The following RBAK variants were observed in gnomAD, a reference collection of about 807,000 sequenced individuals.
RBAK encodes RB associated KRAB zinc finger.
In RBAK, 39 loss-of-function variants were observed where a neutral mutation model predicts 65.8. The ratio of observed to expected loss-of-function variants is 0.59; its 90% confidence interval spans 0.46 to 0.77. The LOEUF (loss-of-function observed/expected upper bound fraction) is 0.77. Among genes scored for constraint, RBAK ranks in the 30% least tolerant of loss-of-function variants. The pLI is 0.00. For missense variants in RBAK, 884 were observed against 855.1 expected, an observed-to-expected ratio of 1.03 and a Z score of -0.42; for synonymous variants, 343 against 289.7, an observed-to-expected ratio of 1.18 and a Z score of -1.87.
Position 5,064,355 on chromosome 7 carries a change from A to C in RBAK, c.899A>C (p.Gln300Pro). 6.2e-7 allele frequency: 1 copy of C among 1,613,994 alleles called. No individual in the cohort carries two copies. Among genetic ancestry groups the C allele is most frequent in the South Asian group, 1.1e-5 (1 of 91,060 alleles). ...ECNVCGKSFS[Q>P]KGTLTVHRRS... ...AATGTATGTGGGAAATCCTTCAGCC[A>C]AAAGGGAACCCTCACTGTACATCGG... is the stretch of plus-strand genomic sequence containing the variant. Residue 300 changes from glutamine to proline, a missense_variant, in exon 5 of 5, where the codon CAA becomes CCA. Physicochemically the swap from Gln to Pro is moderately conservative, Grantham distance 76. Coordinates refer to ENST00000396912, the MANE Select transcript of RBAK (RefSeq NM_021163.4). The surrounding 1 kb of genome is among the most constrained non-coding windows in gnomAD (Gnocchi z 6.3).
Position 5,063,754 on chromosome 7 carries a change from A to G in RBAK, c.298A>G (p.Arg100Gly), listed in dbSNP as rs756517719. Residue 100 changes from arginine (R) to glycine (G), a missense_variant, in exon 5 of 5, where the codon AGG becomes GGG. Arg to Gly is a moderately radical substitution (Grantham distance 125, BLOSUM62 -2). Coordinates refer to ENST00000396912, the MANE Select transcript of RBAK (RefSeq NM_021163.4). ...RIQENEDKHSRQAACINSKTL... is the reference protein window; with the variant it reads ...RIQENEDKHSGQAACINSKTL... ...CCAAGAAAACGAAGACAAACATTCA[A>G]GGCAAGCTGCTTGTATCAATAGCAA... The G allele has an allele frequency of 7.4e-6, 12 of 1,613,472 alleles. No individual in the cohort carries two copies. Among genetic ancestry groups the G allele is most frequent in the South Asian group, 1.1e-5 (1 of 90,934 alleles).
intron 2 of RBAK, among the ~76,000 whole-genome samples, chr7:5,055,246 ATGTGTGTGTG>A (rs71535173): frequency 1.8e-4 from 26 of 147,018 alleles, no homozygotes; most frequent in African/African-American, 3.5e-4. Context: ...TGAGGCATAA[ATGTGTGTGTG>A]TGTGTGTGTG....
rs1011432412 is a variant in RBAK at position 5,065,253 on chromosome 7, A to C, written c.1797A>C (p.Glu599Asp). Residue 599 changes from glutamate to aspartate, a missense_variant, in exon 5 of 5, where the codon GAA becomes GAC. Coordinates refer to ENST00000396912, the MANE Select transcript of RBAK (RefSeq NM_021163.4). This position sits in a 1 kb window ranked among gnomAD's most constrained non-coding sequence, Gnocchi z 5.3. ...HTGEKPYECY[E>D]CGKFFSQKSY... ...GCGAGAAACCCTATGAATGTTACGA[A>C]TGTGGAAAATTCTTCTCTCAGAAAT... 6.2e-7 allele frequency: 1 copy of C among 1,613,874 alleles called. No homozygotes were observed. Among genetic ancestry groups the C allele is most frequent in the Non-Finnish European group, 8.5e-7 (1 of 1,179,932 alleles).
rs1037439035 is a variant in RBAK, at chr7:5,047,601, CTT to C, written c.-44-407_-44-406del. Among the ~76,000 whole-genome samples the C allele has an allele frequency of 2.5e-3, 250 of 100,850 alleles. 1 individual carries two copies. Among genetic ancestry groups the C allele is most frequent in the African/African-American group, 9.5e-3 (233 of 24,586 alleles). The allele number at this position is 100,850 out of a possible 152,430, so 66.2% of individuals were successfully genotyped here. On this transcript the variant is annotated intron_variant, in intron 1 of 4. Transcript: ENST00000396912. Reference sequence around the variant, plus strand: ...TTCGCCTATCACTCTTTTTCACTCTCTTTTTTTTTTTTTTTTTTTTTTTTTTG... The same window carrying C: ...TTCGCCTATCACTCTTTTTCACTCTCTTTTTTTTTTTTTTTTTTTTTTTTG...
rs73051675 is a variant in RBAK at position 5,065,766 on chromosome 7, T to C, written c.*165T>C. 48,660 of 469,092 alleles carry C rather than the reference T, an allele frequency of 0.1. 3,186 individuals are homozygous for C. The highest frequency in any genetic ancestry group is 0.23 in the African/African-American group (11,239 of 49,768). 29.1% of individuals were successfully genotyped at this position (469,092 alleles called of 1,614,324 possible). On this transcript the variant is annotated 3_prime_UTR_variant, in exon 5 of 5. Transcript: ENST00000396912. This position sits in a 1 kb window ranked among gnomAD's most constrained non-coding sequence, Gnocchi z 5.3. ...TTTCACAGAGAAGAATCCCGAAGAA[T>C]GTAACAAGAAGCAAAGCCTTCAGCA...
Position 5,067,310 on chromosome 7 carries a change from G to A in RBAK, c.*1709G>A, listed in dbSNP as rs532812084. On this transcript the variant is annotated 3_prime_UTR_variant, in exon 5 of 5. Coordinates refer to ENST00000396912, the MANE Select transcript of RBAK (RefSeq NM_021163.4). ...CAGATGCCATGAGTAAATTTGGTAA[G>A]TTCCCTGCATAAAAGTTATGCAAAA... 3 of 152,224 alleles carry A rather than the reference G, an allele frequency of 2.0e-5. No homozygotes were observed. Among genetic ancestry groups the A allele is most frequent in the Non-Finnish European group, 2.9e-5 (2 of 67,998 alleles). 9.4% of individuals were successfully genotyped at this position (152,224 alleles called of 1,614,324 possible). A position where few individuals can be genotyped will look rare whatever the true frequency, so the allele number is the denominator to read the frequency against.
intron 2 of RBAK, among the ~76,000 whole-genome samples, chr7:5,049,161 G>A (rs1389707042): frequency 2.6e-5 from 4 of 152,112 alleles, no homozygotes; most frequent in South Asian, 4.1e-4. Flanking sequence ...ATATAATTGC[G>A]GATAGCTTTC....
intron 4 of RBAK, among the ~76,000 whole-genome samples, chr7:5,060,904 T>C (rs1425483346): frequency 6.6e-6 from 1 of 152,186 alleles, no homozygotes; most frequent in Non-Finnish European, 1.5e-5. Context: ...AAAAATAGTT[T>C]GTGCATCCAA....
rs1033701528 is a variant in RBAK, at chr7:5,055,279, T to TGTGTGC, written c.16-2015_16-2014insTGTGCG. 2.1e-5 allele frequency among the ~76,000 whole-genome samples: 3 copies of TGTGTGC among 144,776 alleles called. No individual in the cohort carries two copies. In the South Asian group the frequency reaches 6.5e-4, roughly 32 times the overall value. 95.0% of individuals were successfully genotyped at this position (144,776 alleles called of 152,430 possible). ...GTGTGTGTGTGTGTGTGTGTGTGTG[T>TGTGTGC]GCGTGCGTGTATATACACACAAACT... On this transcript the variant is annotated intron_variant, in intron 2 of 4. Coordinates refer to ENST00000396912, the MANE Select transcript of RBAK (RefSeq NM_021163.4).
chr7:5,064,914 A>C lies in RBAK; in HGVS notation c.1458A>C (p.Glu486Asp). The change falls in exon 5 of 5, where the codon GAA (glutamate) becomes GAC (aspartate). Residue 486 changes from glutamate to aspartate, a missense_variant. Physicochemically the swap from Glu to Asp is conservative, Grantham distance 45. Transcript: ENST00000396912. This position sits in a 1 kb window ranked among gnomAD's most constrained non-coding sequence, Gnocchi z 6.3. ...TACACACAGAAGAGAAATCCCATGAATGTAGTGAATGTGGAAAGTTCTCTC... is the reference window on the plus strand; with the variant it reads ...TACACACAGAAGAGAAATCCCATGACTGTAGTGAATGTGGAAAGTTCTCTC... ...RKVHTEEKSH[E>D]CSECGKFSQL... The C allele has an allele frequency of 6.2e-7, 1 of 1,614,066 alleles. No individual in the cohort carries two copies. The highest frequency in any genetic ancestry group is 8.5e-7 in the Non-Finnish European group (1 of 1,179,962).
intron 4 of RBAK, among the ~76,000 whole-genome samples, chr7:5,059,504 TAAA>T (rs899839669): frequency 2.0e-5 from 3 of 148,790 alleles, no homozygotes; most frequent in African/African-American, 7.4e-5. Flanking sequence ...ATATTTTTAT[TAAA>T]AAAAAAACCA....
intron 2 of RBAK, among the ~76,000 whole-genome samples, chr7:5,052,181 T>G (rs1788130824): frequency 6.6e-6 from 1 of 152,246 alleles, no homozygotes; most frequent in South Asian, 2.1e-4. Flanking sequence ...TAGCATTCTT[T>G]TGAGTAATGC....
chr7:5,048,018 C>T lies in RBAK; in HGVS notation c.-44-15C>T. ...GAGCACTCATGACTTCAGTGACCTG[C>T]TTCTCCCCCTCTAGGTCTACCAGCC... is the stretch of plus-strand genomic sequence containing the variant. On this transcript the variant is annotated splice_polypyrimidine_tract_variant and intron_variant, in intron 1 of 4. Coordinates refer to ENST00000396912, the MANE Select transcript of RBAK (RefSeq NM_021163.4). This position sits in a 1 kb window ranked among gnomAD's most constrained non-coding sequence, Gnocchi z 4.4. The T allele has an allele frequency of 1.4e-6, 2 of 1,419,662 alleles. No individual in the cohort carries two copies. The highest frequency in any genetic ancestry group is 2.6e-5 in the South Asian group (2 of 77,428). The allele number at this position is 1,419,662 out of a possible 1,614,324, so 87.9% of individuals were successfully genotyped here.
At chr7:5,051,089 A>G (rs542075216) in intron 2 of RBAK, among the ~76,000 whole-genome samples, 1 of 152,288 alleles carries the variant, frequency 6.6e-6, no homozygotes, top group African/African-American at 2.4e-5. Context: ...TGGCCAGACA[A>G]AATCCCTTTA....
intron 2 of RBAK, among the ~76,000 whole-genome samples, chr7:5,053,074 A>G (rs1788152170): frequency 6.6e-6 from 1 of 152,222 alleles, no homozygotes; most frequent in South Asian, 2.1e-4. Flanking sequence ...TATCTTTTAA[A>G]AAGATTTAAG....
At position 5,048,488 on chromosome 7, in the gene RBAK, A is replaced by C. The variant is rs1788044690; in HGVS notation, c.15+397A>C. ...CGCGCCCAGCCAGGATTCATACTTT[A>C]AAATGGGAATGTGGAAATAGACATT... is the stretch of plus-strand genomic sequence containing the variant. On this transcript the variant is annotated intron_variant, in intron 2 of 4. Coordinates refer to ENST00000396912, the MANE Select transcript of RBAK (RefSeq NM_021163.4). This position sits in a 1 kb window ranked among gnomAD's most constrained non-coding sequence, Gnocchi z 4.4. 6.6e-6 allele frequency among the ~76,000 whole-genome samples: 1 copy of C among 152,234 alleles called. No homozygotes were observed. The highest frequency in any genetic ancestry group is 2.1e-4 in the South Asian group (1 of 4,832).
chr7:5,068,158 A>G lies in RBAK; in HGVS notation c.*2557A>G, dbSNP rs867066400. Reference sequence around the variant, plus strand: ...ACCGAGTATAGCAGAAGTGTTGGCAAACTTTATAAAGCAAGGCACCAGATG... The same window carrying G: ...ACCGAGTATAGCAGAAGTGTTGGCAGACTTTATAAAGCAAGGCACCAGATG... On this transcript the variant is annotated 3_prime_UTR_variant, in exon 5 of 5. Coordinates refer to ENST00000396912, the MANE Select transcript of RBAK (RefSeq NM_021163.4). 6.6e-6 allele frequency: 1 copy of G among 152,082 alleles called. No individual in the cohort carries two copies. The highest frequency in any genetic ancestry group is 2.4e-5 in the African/African-American group (1 of 41,332). The allele number at this position is 152,082 out of a possible 1,614,324, so 9.4% of individuals were successfully genotyped here.
chr7:5,048,048 T>C lies in RBAK; in HGVS notation c.-29T>C. The C allele has an allele frequency of 1.3e-6, 2 of 1,586,272 alleles. No homozygotes were observed. The highest frequency in any genetic ancestry group is 8.6e-7 in the Non-Finnish European group (1 of 1,165,160). ...CCCCCTCTAGGTCTACCAGCCACAG[T>C]CTCTGCACGTTTCCAAGAGCAGCAG... On this transcript the variant is annotated 5_prime_UTR_variant, in exon 2 of 5. Coordinates refer to ENST00000396912, the MANE Select transcript of RBAK (RefSeq NM_021163.4). This position sits in a 1 kb window ranked among gnomAD's most constrained non-coding sequence, Gnocchi z 4.4.
At chr7:5,061,314 C>T (rs1041053223) in intron 4 of RBAK, among the ~76,000 whole-genome samples, 2 of 152,084 alleles carry the variant, frequency 1.3e-5, no homozygotes, top group East Asian at 3.9e-4. Flanking sequence ...CTCTGGTGGT[C>T]ATGCTCTTAA....
Sources: gnomAD v4.1 joint callset for allele counts (sites outside exome capture counted in the v4.1 genomes callset) on GRCh38, gnomAD v4.1.1 for gene constraint, Gnocchi (gnomAD v3.1) non-coding constraint, MANE v1.5 for transcripts, NCBI Gene and HGNC (gene_info 2026-07-23, HGNC 2026-07-21) for gene names.